Variants in TMEM135 observed in about 807,000 individuals in gnomAD.
TMEM135 encodes the protein peroxisomal membrane protein 52.
TMEM135 carries 30 observed loss-of-function variants against 60.3 expected under a neutral mutation model. The observed-to-expected ratio is 0.50, with a 90% CI of 0.37 to 0.68. The LOEUF (loss-of-function observed/expected upper bound fraction) is 0.68, where lower values mean the gene tolerates loss of function less well. Among genes scored for constraint, TMEM135 ranks in the 30% least tolerant of loss-of-function variants. TMEM135 has a pLI of 0.00. For synonymous variants in TMEM135, 190 were observed against 186.7 expected (o/e 1.02, Z -0.14); for missense variants, 468 against 548.8 (o/e 0.85, Z 1.47).
intron 4 of TMEM135, among the ~76,000 whole-genome samples, chr11:87,097,959 T>G (rs969757070): frequency 3.1e-4 from 47 of 152,302 alleles, no homozygotes; most frequent in African/African-American, 1.1e-3. Flanking sequence ...TCTTTTTTGC[T>G]TATTATTTTA....
chr11:87,191,389 C>T (rs569329325), intron 5 of TMEM135, among the ~76,000 whole-genome samples: 7 of 152,128 alleles, frequency 4.6e-5, no homozygotes, highest in African/African-American at 1.2e-4. Flanking sequence ...TACAGGTGCC[C>T]GCCACCACGC....
At chr11:87,217,161 A>G (rs1008646814) in intron 5 of TMEM135, among the ~76,000 whole-genome samples, 1 of 152,254 alleles carries the variant, frequency 6.6e-6, no homozygotes, top group African/African-American at 2.4e-5. Flanking sequence ...AAGTGTTTAT[A>G]AATATTGCTA....
chr11:87,252,150 T>C (rs986196599), intron 6 of TMEM135, among the ~76,000 whole-genome samples: 1 of 152,184 alleles, frequency 6.6e-6, no homozygotes, highest in African/African-American at 2.4e-5. Flanking sequence ...CCTCCTTCTC[T>C]CTCTTTCTTA....
intron 4 of TMEM135, among the ~76,000 whole-genome samples, chr11:87,138,812 T>C (rs945575929): frequency 3.3e-5 from 5 of 152,226 alleles, no homozygotes; most frequent in African/African-American, 1.2e-4. Context: ...AATGCTTGTT[T>C]GCCAACTTGC....
At chr11:87,208,244 C>T (rs1033584123) in intron 5 of TMEM135, among the ~76,000 whole-genome samples, 3 of 152,270 alleles carry the variant, frequency 2.0e-5, no homozygotes, top group Non-Finnish European at 1.5e-5. Flanking sequence ...AAATGTCAGA[C>T]ATAGAATTCA....
chr11:87,186,392 C>T (rs1939655101), intron 5 of TMEM135, among the ~76,000 whole-genome samples: 1 of 152,162 alleles, frequency 6.6e-6, no homozygotes, highest in South Asian at 2.1e-4. Context: ...GTTGTTACTT[C>T]ACAAAAGGAT....
chr11:87,110,846 A>G (rs529251728), intron 4 of TMEM135, among the ~76,000 whole-genome samples: 1 of 152,268 alleles, frequency 6.6e-6, no homozygotes, highest in East Asian at 1.9e-4. Flanking sequence ...TAAAAATTAC[A>G]GGCATTATAT....
intron 5 of TMEM135, among the ~76,000 whole-genome samples, chr11:87,220,883 T>C (rs1306918472): frequency 6.6e-6 from 1 of 152,276 alleles, no homozygotes; most frequent in East Asian, 1.9e-4. Context: ...AGGTAGTTCG[T>C]TGGAATAAAA....
intron 4 of TMEM135, among the ~76,000 whole-genome samples, chr11:87,119,463 G>A (rs1464237678): frequency 6.6e-6 from 1 of 152,250 alleles, no homozygotes; most frequent in Non-Finnish European, 1.5e-5. Flanking sequence ...AGCACTTTGG[G>A]AGGCCAAGGA....
At chr11:87,202,707 A>G (rs1263775716) in intron 5 of TMEM135, among the ~76,000 whole-genome samples, 1 of 150,548 alleles carries the variant, frequency 6.6e-6, no homozygotes, top group Non-Finnish European at 1.5e-5. Context: ...TGTGTCTCCC[A>G]AGTGAATTTT....
At chr11:87,258,963 C>T in intron 6 of TMEM135, 2 of 1,516,816 alleles carry the variant, frequency 1.3e-6, no homozygotes, top group South Asian at 1.1e-5. Context: ...CGGTTTGCAT[C>T]TTCTCAGTCT....
Position 87,091,380 on chromosome 11 carries a change from T to G in TMEM135, c.381T>G (p.Ile127Met). Residue 127 changes from isoleucine (I) to methionine (M), a missense_variant, in exon 4 of 15, where the codon ATT becomes ATG. Ile to Met is a conservative substitution (Grantham distance 10, BLOSUM62 1). Transcript: ENST00000305494. ...ERKSRRGLLT[I>M]YMANLATETL... ...TTTGCAGGAGAGGGCTGCTCACAAT[T>G]TATATGGCCAACTTGGTAAGTATTT... 1 of 1,612,380 alleles carries G rather than the reference T, an allele frequency of 6.2e-7. No homozygotes were observed. Among genetic ancestry groups the G allele is most frequent in the Non-Finnish European group, 8.5e-7 (1 of 1,179,006 alleles).
intron 6 of TMEM135, among the ~76,000 whole-genome samples, chr11:87,276,047 A>C (rs978592156): frequency 3.7e-4 from 57 of 152,248 alleles, no homozygotes; most frequent in Non-Finnish European, 6.3e-4. Context: ...TGGAAGAGAA[A>C]ATTATTTTTT....
At chr11:87,110,485 G>T (rs2135197734) in intron 4 of TMEM135, among the ~76,000 whole-genome samples, 1 of 151,808 alleles carries the variant, frequency 6.6e-6, no homozygotes, top group African/African-American at 2.4e-5. Context: ...TTGAATCCTG[G>T]TTTACCATTT....
At position 87,038,042 on chromosome 11, in the gene TMEM135, C is replaced by T. The variant is rs760236143; in HGVS notation, c.-4C>T. The stretch of plus-strand genomic sequence containing the variant: ...CTCCTGTCTTCTCCGCGCTGTTCCT[C>T]GTCATGGCGGCCCTCAGCAAGTCCA... On this transcript the variant is annotated 5_prime_UTR_variant, in exon 1 of 15. Transcript: ENST00000305494. 24 of 1,613,926 alleles carry T rather than the reference C, an allele frequency of 1.5e-5. No homozygotes were observed. The highest frequency in any genetic ancestry group is 1.9e-5 in the Non-Finnish European group (22 of 1,180,028).
At chr11:87,266,758 A>C (rs1263734212) in intron 6 of TMEM135, among the ~76,000 whole-genome samples, 3 of 152,210 alleles carry the variant, frequency 2.0e-5, no homozygotes, top group African/African-American at 7.2e-5. Context: ...TGCTGAAAGA[A>C]AGGATAGAGG....
At chr11:87,063,502 C>A (rs933081940) in intron 1 of TMEM135, among the ~76,000 whole-genome samples, 4 of 152,196 alleles carry the variant, frequency 2.6e-5, no homozygotes, top group African/African-American at 9.7e-5. Flanking sequence ...TACTACATGG[C>A]TAACACAATT....
chr11:87,038,307 G>T, intron 1 of TMEM135, 121 bp downstream of exon 1: 3 of 1,200,732 alleles, frequency 2.5e-6, no homozygotes, highest in East Asian at 2.8e-5. Context: ...TTTTGGAGGG[G>T]TCGGAGTGTT....
chr11:87,307,235 G>C (rs796654832), intron 9 of TMEM135, among the ~76,000 whole-genome samples: 1 of 152,046 alleles, frequency 6.6e-6, no homozygotes, highest in Non-Finnish European at 1.5e-5. Context: ...TGACAGTGCC[G>C]TTAGCCCAGC....
Sources: gnomAD v4.1 joint callset for allele counts (sites outside exome capture counted in the v4.1 genomes callset) on GRCh38, gnomAD v4.1.1 for gene constraint, MANE v1.5 for transcripts, NCBI Gene and HGNC (gene_info 2026-07-23, HGNC 2026-07-21) for gene names.